The following KCNU1 variants were observed in gnomAD, a reference collection of about 807,000 sequenced individuals.
The protein encoded by KCNU1 is potassium calcium-activated channel subfamily U member 1, also known as potassium channel subfamily U member 1.
A neutral mutation model predicts 126.8 loss-of-function variants in KCNU1; 93 were observed. The observed-to-expected ratio is 0.73, with a 90% CI of 0.62 to 0.87. The LOEUF (loss-of-function observed/expected upper bound fraction) is 0.87, where lower values mean the gene tolerates loss of function less well. Among genes scored for constraint, KCNU1 ranks in the 40% least tolerant of loss-of-function variants. The pLI, the probability that KCNU1 is intolerant of heterozygous loss-of-function variation, is 0.00. For missense variants in KCNU1, 1,330 were observed against 1,367.1 expected (o/e 0.97, Z 0.43); for synonymous variants, 523 against 494.2 (o/e 1.06, Z -0.77).
intron 19 of KCNU1, chr8:36,889,325 A>G: frequency 4.0e-6 from 2 of 503,800 alleles, no homozygotes; most frequent in Non-Finnish European, 8.2e-6. Context: ...TTTGGTAATT[A>G]CTTTGGATCT....
At chr8:36,835,370 G>A (rs1202601397) in intron 12 of KCNU1, among the ~76,000 whole-genome samples, 1 of 150,384 alleles carries the variant, frequency 6.6e-6, no homozygotes, top group Non-Finnish European at 1.5e-5. Context: ...TTGAGACGGA[G>A]TTTTGCTCTT....
At chr8:36,881,809 CACA>C (rs1806491812) in intron 19 of KCNU1, among the ~76,000 whole-genome samples, 1 of 146,862 alleles carries the variant, frequency 6.8e-6, no homozygotes, top group Admixed American at 6.8e-5. Context: ...CACACACACA[CACA>C]CACACACACA....
At chr8:36,907,167 G>T (rs564191560) in intron 20 of KCNU1, among the ~76,000 whole-genome samples, 22 of 152,268 alleles carry the variant, frequency 1.4e-4, no homozygotes, top group Non-Finnish European at 2.8e-4. Context: ...CTCTAGGAAA[G>T]AAATATCTGG....
intron 23 of KCNU1, among the ~76,000 whole-genome samples, chr8:36,921,879 T>C (rs1358853945): frequency 6.6e-6 from 1 of 152,002 alleles, no homozygotes; most frequent in Non-Finnish European, 1.5e-5. Flanking sequence ...CAGAGTGCCA[T>C]CCATGAATCG....
intron 18 of KCNU1, among the ~76,000 whole-genome samples, chr8:36,854,133 G>A (rs1337022570): frequency 1.3e-5 from 2 of 152,010 alleles, no homozygotes; most frequent in Non-Finnish European, 2.9e-5. Flanking sequence ...CTTCTGTCTT[G>A]CTGACTTGAA....
chr8:36,889,346 A>G (rs1166575876), intron 19 of KCNU1: 1 of 458,366 alleles, frequency 2.2e-6, no homozygotes, highest in African/African-American at 2.0e-5. Flanking sequence ...ATCACCTGTC[A>G]TCATAACTGG....
At chr8:36,916,550 T>G (rs1006870786) in intron 22 of KCNU1, among the ~76,000 whole-genome samples, 1 of 152,294 alleles carries the variant, frequency 6.6e-6, no homozygotes, top group African/African-American at 2.4e-5. Flanking sequence ...AAATAGAACT[T>G]TAATTCCCCC....
intron 2 of KCNU1, among the ~76,000 whole-genome samples, chr8:36,791,690 C>G (rs1034084305): frequency 1.3e-5 from 2 of 151,952 alleles, no homozygotes; most frequent in African/African-American, 4.8e-5. Context: ...AAAAACGGTG[C>G]CTGGAATGAC....
At chr8:36,928,847 A>G (rs1808610148) in intron 24 of KCNU1, 1 of 577,968 alleles carries the variant, frequency 1.7e-6, no homozygotes, top group Non-Finnish European at 3.1e-6. Flanking sequence ...CAGTGTCAGA[A>G]CCACTCAGAG....
intron 23 of KCNU1, among the ~76,000 whole-genome samples, chr8:36,920,630 T>A (rs1026003941): frequency 6.6e-6 from 1 of 152,102 alleles, no homozygotes; most frequent in East Asian, 1.9e-4. Flanking sequence ...TGGATGGGGA[T>A]CTGAAGGAAA....
intron 24 of KCNU1, among the ~76,000 whole-genome samples, chr8:36,926,359 G>A (rs917559959): frequency 2.6e-5 from 4 of 152,094 alleles, no homozygotes; most frequent in Non-Finnish European, 5.9e-5. Context: ...TTATTTTAGA[G>A]GGCTCCTTCC....
Position 36,817,777 on chromosome 8 carries a change from G to T in KCNU1, c.1106+17G>T, listed in dbSNP as rs1219548356. On this transcript the variant is annotated intron_variant, in intron 10 of 26. Coordinates refer to ENST00000399881, the MANE Select transcript of KCNU1 (RefSeq NM_001031836.3). ...CCTGGGAGAGTAAGTATATCTGTAT[G>T]GCTCATGGGTTCTAAATTAATACTT... 1 of 1,226,086 alleles carries T rather than the reference G, an allele frequency of 8.2e-7. No homozygotes were observed. The highest frequency in any genetic ancestry group is 1.2e-6 in the Non-Finnish European group (1 of 826,914). The allele number at this position is 1,226,086 out of a possible 1,614,324, so 76.0% of individuals were successfully genotyped here. A position where few individuals can be genotyped will look rare whatever the true frequency, so the allele number is the denominator to read the frequency against.
Position 36,935,691 on chromosome 8 carries a change from G to A in KCNU1, c.3221G>A (p.Cys1074Tyr). The change falls in exon 27 of 27, where the codon TGT (cysteine) becomes TAT (tyrosine). Residue 1074 changes from cysteine (C) to tyrosine (Y), a missense_variant. This residue lies in a region of KCNU1 where 1,054 missense variants were observed against 1,053.9 expected (regional missense o/e 1.00). Coordinates refer to ENST00000399881, the MANE Select transcript of KCNU1 (RefSeq NM_001031836.3). Reference sequence around the variant, plus strand: ...ACAGAGACACATTCAGACACAAATTGTCCTCCCACCATTGATTCAGTTACT... The same window carrying A: ...ACAGAGACACATTCAGACACAAATTATCCTCCCACCATTGATTCAGTTACT... ...QTTETHSDTN[C>Y]PPTIDSVTET... The A allele has an allele frequency of 6.2e-7, 1 of 1,613,246 alleles. No individual in the cohort carries two copies. Among genetic ancestry groups the A allele is most frequent in the Non-Finnish European group, 8.5e-7 (1 of 1,179,446 alleles).
At chr8:36,807,271 C>T in intron 5 of KCNU1, 104 bp from the exon 6 acceptor site, 1 of 818,768 alleles carries the variant, frequency 1.2e-6, no homozygotes, top group Non-Finnish European at 2.1e-6. Context: ...TGGAACACGT[C>T]TAGAAGAAAA....
At chr8:36,790,410 A>G (rs1471336030) in intron 2 of KCNU1, among the ~76,000 whole-genome samples, 1 of 152,100 alleles carries the variant, frequency 6.6e-6, no homozygotes, top group East Asian at 1.9e-4. Context: ...TTAGAAATTA[A>G]TGAATTATAA....
intron 24 of KCNU1, among the ~76,000 whole-genome samples, chr8:36,925,043 C>G (rs192964979): frequency 1.1e-3 from 171 of 152,276 alleles, no homozygotes; most frequent in African/African-American, 3.9e-3. Context: ...CCTCCCACCA[C>G]TCAGCACCTG....
At chr8:36,919,605 C>T (rs10955004) in intron 23 of KCNU1, among the ~76,000 whole-genome samples, 52,281 of 151,746 alleles carry the variant, frequency 0.34, 9,678 homozygotes, top group Admixed American at 0.42. Context: ...CACCAGGGGA[C>T]GCATTGCGTC....
chr8:36,803,762 CTG>C (rs578099589), intron 2 of KCNU1, among the ~76,000 whole-genome samples: 316 of 152,264 alleles, frequency 2.1e-3, no homozygotes, highest in African/African-American at 7.3e-3. Context: ...GAAGGACAAA[CTG>C]TGTATTCTGA....
chr8:36,860,670 G>A (rs1805696108), intron 18 of KCNU1, among the ~76,000 whole-genome samples: 1 of 152,190 alleles, frequency 6.6e-6, no homozygotes, highest in Admixed American at 6.5e-5. Flanking sequence ...CCTTAGGAAA[G>A]TTGTGCCCAA....
Sources: allele counts gnomAD v4.1 joint callset (sites outside exome capture counted in the v4.1 genomes callset), GRCh38; gene constraint gnomAD v4.1.1; regional missense constraint gnomAD v4.1.1; transcripts MANE v1.5; gene names NCBI Gene and HGNC (gene_info 2026-07-23, HGNC 2026-07-21).